The following YAF2 variants were observed in gnomAD, a reference collection of about 807,000 sequenced individuals.
YAF2 encodes the protein YY1-associated factor 2.
In YAF2, 7 loss-of-function variants were observed where a neutral mutation model predicts 20.1. The observed-to-expected ratio is 0.35, with a 90% CI of 0.20 to 0.65. YAF2 has a LOEUF of 0.65. Ranked by LOEUF, YAF2 falls within the 30% of genes least tolerant of loss-of-function variation. The probability of loss-of-function intolerance (pLI) is 0.69; values close to 1 mark genes in which losing one functional copy is unlikely to be tolerated. For missense variants in YAF2, 151 were observed against 219.2 expected, an observed-to-expected ratio of 0.69 and a Z score of 1.96; for synonymous variants, 74 against 76.0, an observed-to-expected ratio of 0.97 and a Z score of 0.14.
chr12:42,195,872 A>C (rs2066736225), intron 2 of YAF2, among the ~76,000 whole-genome samples: 2 of 152,132 alleles, frequency 1.3e-5, no homozygotes, highest in South Asian at 2.1e-4. Context: ...ATAGAAATTA[A>C]CTAAACTGGT....
intron 2 of YAF2, chr12:42,237,343 G>C (rs2068198601): frequency 9.4e-7 from 1 of 1,068,114 alleles, no homozygotes. Flanking sequence ...GAATTAAATC[G>C]CAGTAGCTAA....
intron 3 of YAF2, chr12:42,161,222 CTAA>C (rs1221514551): frequency 3.7e-6 from 1 of 267,636 alleles, no homozygotes; most frequent in Non-Finnish European, 7.1e-6. Flanking sequence ...CTGACACACA[CTAA>C]TAAGGGTATC....
intron 2 of YAF2, chr12:42,233,887 T>A (rs2068054502): frequency 1.0e-6 from 1 of 985,298 alleles, no homozygotes; most frequent in Non-Finnish European, 1.2e-6. Context: ...AATCTTCAGA[T>A]AGGCTGGGCA....
At chr12:42,177,896 T>G (rs2066238017) in intron 2 of YAF2, among the ~76,000 whole-genome samples, 1 of 152,180 alleles carries the variant, frequency 6.6e-6, no homozygotes, top group South Asian at 2.1e-4. Flanking sequence ...CCCTACTCTA[T>G]CCTCCTTACT....
chr12:42,237,765 C>CA (rs766826527), intron 1 of YAF2, 41 bp from the exon 2 acceptor site: 1 of 1,396,904 alleles, frequency 7.2e-7, no homozygotes, highest in Non-Finnish European at 9.3e-7. Context: ...GCGGGGTCAC[C>CA]AGCAGGCCGC....
chr12:42,235,369 A>G lies in YAF2; in HGVS notation c.152+2230T>C, dbSNP rs1011264764. On this transcript the variant is annotated intron_variant, in intron 2 of 3. Transcript: ENST00000534854. ...AGTCCTTTAATCTTGTTTTTTTAAC[A>G]TTACCAGAGAGGAAAAATATTAATA... is the stretch of plus-strand genomic sequence containing the variant. 45 of 1,015,490 alleles carry G rather than the reference A, an allele frequency of 4.4e-5. No homozygotes were observed. In the African/African-American group the frequency reaches 7.1e-4, roughly 16 times the overall value. 62.9% of individuals were successfully genotyped at this position (1,015,490 alleles called of 1,614,324 possible). A position where few individuals can be genotyped will look rare whatever the true frequency, so the allele number is the denominator to read the frequency against.
intron 3 of YAF2, 61 bp downstream of exon 3, chr12:42,161,552 G>A: frequency 6.7e-7 from 1 of 1,488,738 alleles, no homozygotes; most frequent in East Asian, 2.3e-5. Context: ...GTATGTCAAG[G>A]TTAAAAAAAT....
At chr12:42,198,726 AATTG>A (rs144836947) in intron 2 of YAF2, among the ~76,000 whole-genome samples, 2,281 of 152,334 alleles carry the variant, frequency 0.015, 54 homozygotes, top group African/African-American at 0.052. Context: ...TTCAGACTAC[AATTG>A]ATTAATAGTT....
chr12:42,178,024 T>G (rs188089606), intron 2 of YAF2, among the ~76,000 whole-genome samples: 3 of 152,308 alleles, frequency 2.0e-5, no homozygotes, highest in African/African-American at 7.2e-5. Context: ...CCCCCCTAAT[T>G]GTAAACAGGG....
At position 42,237,696 on chromosome 12, in the gene YAF2, C is replaced by G. The variant is rs374682971; in HGVS notation, c.55G>C (p.Asp19His). 5.1e-6 allele frequency: 8 copies of G among 1,569,634 alleles called. No individual in the cohort carries two copies. The highest frequency in any genetic ancestry group is 6.9e-6 in the Non-Finnish European group (8 of 1,160,796). The change falls in exon 2 of 4, where the codon GAT (aspartate) becomes CAT (histidine). Residue 19 changes from aspartate to histidine, a missense_variant. Coordinates refer to ENST00000534854, the MANE Select transcript of YAF2 (RefSeq NM_005748.6). ...RPKRQPKPSS[D>H]EGYWDCSVCT... ...ACGCTACAGTCCCAGTAACCCTCAT[C>G]CGAGGACGGCTTCGGCTGCCGCTTC...
At chr12:42,214,231 G>A (rs1367510984) in intron 2 of YAF2, among the ~76,000 whole-genome samples, 2 of 152,078 alleles carry the variant, frequency 1.3e-5, no homozygotes, top group African/African-American at 2.4e-5. Context: ...CTAACCAAAG[G>A]GCTTTCAACT....
intron 2 of YAF2, among the ~76,000 whole-genome samples, chr12:42,229,913 A>G (rs930294576): frequency 5.9e-5 from 9 of 152,240 alleles, no homozygotes; most frequent in African/African-American, 1.9e-4. Context: ...CTGACTCTAC[A>G]TACATAGAAT....
intron 1 of YAF2, 73 bp from the exon 2 acceptor site, chr12:42,237,797 G>C: frequency 2.7e-6 from 3 of 1,127,928 alleles, no homozygotes; most frequent in Non-Finnish European, 3.3e-6. Flanking sequence ...GGGCCCCGCG[G>C]CCGCCCCCGC....
chr12:42,161,734 G>A lies in YAF2; in HGVS notation c.184C>T (p.Gln62Ter). The A allele has an allele frequency of 6.2e-7, 1 of 1,606,438 alleles. No individual in the cohort carries two copies. Among genetic ancestry groups the A allele is most frequent in the Non-Finnish European group, 8.5e-7 (1 of 1,178,246 alleles). The change falls in exon 3 of 4, where the codon CAG becomes TAG. Residue 62 changes from glutamine (Q) to a stop codon, truncating the protein, a stop_gained. Coordinates refer to ENST00000534854, the MANE Select transcript of YAF2 (RefSeq NM_005748.6). LOFTEE classifies it high-confidence loss of function. ...KPRPVSQLVA[Q>*]QVTQQFVPPT... ...GGCACAAACTGCTGAGTAACCTGCTGTGCAACCAACTGGGAGACAGGTCGA... is the reference window on the plus strand; with the variant it reads ...GGCACAAACTGCTGAGTAACCTGCTATGCAACCAACTGGGAGACAGGTCGA...
chr12:42,202,474 T>C (rs1358814317), intron 2 of YAF2, among the ~76,000 whole-genome samples: 1 of 152,228 alleles, frequency 6.6e-6, no homozygotes, highest in Non-Finnish European at 1.5e-5. Flanking sequence ...CTATAGATTA[T>C]TTCTACTTGT....
intron 2 of YAF2, among the ~76,000 whole-genome samples, chr12:42,165,076 A>G (rs192955730): frequency 1.8e-3 from 275 of 151,862 alleles, no homozygotes; most frequent in Middle Eastern, 6.8e-3. Context: ...AAAAAAAAAA[A>G]AAAGAAAAGA....
At chr12:42,199,029 T>C in intron 2 of YAF2, 1 of 539,450 alleles carries the variant, frequency 1.9e-6, no homozygotes. Context: ...ATGTGACTAT[T>C]TTAACATTTT....
chr12:42,175,565 A>T (rs1232389597), intron 2 of YAF2, among the ~76,000 whole-genome samples: 3 of 151,192 alleles, frequency 2.0e-5, no homozygotes, highest in African/African-American at 4.9e-5. Flanking sequence ...AAATTTTTTT[A>T]ACCTAACTAC....
intron 2 of YAF2, among the ~76,000 whole-genome samples, chr12:42,213,785 G>C (rs1202863747): frequency 2.6e-5 from 4 of 152,104 alleles, no homozygotes; most frequent in Non-Finnish European, 5.9e-5. Flanking sequence ...GTATATTAAT[G>C]ACCTTTTTAT....
Sources: allele counts gnomAD v4.1 joint callset (sites outside exome capture counted in the v4.1 genomes callset), GRCh38; gene constraint gnomAD v4.1.1; transcripts MANE v1.5; gene names NCBI Gene and HGNC (gene_info 2026-07-23, HGNC 2026-07-21).